The following SPOCK3 variants were observed in gnomAD, a reference collection of about 807,000 sequenced individuals.
SPOCK3 encodes the protein SPARC (osteonectin), cwcv and kazal like domains proteoglycan 3.
Under a neutral mutation model 56.6 loss-of-function variants are expected in SPOCK3, and 30 were observed. The ratio of observed to expected loss-of-function variants is 0.53; its 90% CI spans 0.40 to 0.72. The LOEUF is 0.72. Ranked by LOEUF, SPOCK3 falls within the 30% of genes least tolerant of loss-of-function variation. The pLI is 0.00. For synonymous variants in SPOCK3, 196 were observed against 183.3 expected, an observed-to-expected ratio of 1.07 and a Z score of -0.56; for missense variants, 527 against 530.0, an observed-to-expected ratio of 0.99 and a Z score of 0.06.
intron 5 of SPOCK3, among the ~76,000 whole-genome samples, chr4:166,895,655 G>A (rs963473336): frequency 3.9e-5 from 6 of 152,254 alleles, no homozygotes; most frequent in African/African-American, 9.6e-5. Flanking sequence ...TATATAAAAT[G>A]TGAAGAAATT....
intron 4 of SPOCK3, among the ~76,000 whole-genome samples, chr4:166,983,200 TG>T (rs1322400461): frequency 5.9e-5 from 9 of 152,194 alleles, no homozygotes; most frequent in African/African-American, 2.2e-4. Flanking sequence ...ATTTTAATCT[TG>T]CCAGTTTTTG....
intron 2 of SPOCK3, among the ~76,000 whole-genome samples, chr4:167,215,763 T>C (rs547827803): frequency 1.3e-5 from 2 of 152,220 alleles, no homozygotes; most frequent in East Asian, 3.9e-4. Flanking sequence ...CTGTCTATCA[T>C]CAGGAACATC....
intron 6 of SPOCK3, among the ~76,000 whole-genome samples, chr4:166,839,351 A>G (rs944691395): frequency 6.6e-6 from 1 of 152,090 alleles, no homozygotes; most frequent in East Asian, 1.9e-4. Context: ...TGTTGCTAAA[A>G]TTACCTCCAC....
chr4:167,029,738 G>A (rs1232017318), intron 3 of SPOCK3, among the ~76,000 whole-genome samples: 18 of 151,948 alleles, frequency 1.2e-4, no homozygotes, highest in Non-Finnish European at 2.9e-5. Context: ...CAATAAGGAT[G>A]TAGGTATGAA....
chr4:166,745,441 G>A (rs980948746), intron 8 of SPOCK3, among the ~76,000 whole-genome samples: 3 of 152,142 alleles, frequency 2.0e-5, no homozygotes, highest in Admixed American at 2.0e-4. Context: ...CAAATGCTGA[G>A]GGATTTTCTC....
At chr4:166,930,544 G>C (rs1264736470) in intron 4 of SPOCK3, among the ~76,000 whole-genome samples, 1 of 151,584 alleles carries the variant, frequency 6.6e-6, no homozygotes, top group Admixed American at 6.6e-5. Flanking sequence ...TAATAATTCT[G>C]CTGGCACCAT....
chr4:166,820,750 T>G (rs543641789), intron 6 of SPOCK3, among the ~76,000 whole-genome samples: 8 of 151,934 alleles, frequency 5.3e-5, no homozygotes, highest in African/African-American at 1.9e-4. Flanking sequence ...CTGGAGCCTG[T>G]GAGGTGGAGG....
intron 3 of SPOCK3, among the ~76,000 whole-genome samples, chr4:167,036,793 AT>A (rs200897070): frequency 1.9e-3 from 289 of 150,212 alleles, no homozygotes; most frequent in African/African-American, 4.6e-3. Context: ...TTTATGGTTT[AT>A]TTTTTTTTAA....
chr4:167,183,991 T>G (rs1218017236), intron 2 of SPOCK3, among the ~76,000 whole-genome samples: 1 of 152,210 alleles, frequency 6.6e-6, no homozygotes, highest in Non-Finnish European at 1.5e-5. Flanking sequence ...AAATGGTTCA[T>G]GAGTTACCAA....
intron 2 of SPOCK3, among the ~76,000 whole-genome samples, chr4:167,216,432 T>C (rs1312795539): frequency 2.0e-5 from 3 of 152,072 alleles, no homozygotes; most frequent in Non-Finnish European, 4.4e-5. Context: ...GGGAGAAGCC[T>C]GAAAACATGA....
chr4:166,999,181 G>A (rs1019559931), intron 4 of SPOCK3, among the ~76,000 whole-genome samples: 4 of 151,988 alleles, frequency 2.6e-5, no homozygotes, highest in East Asian at 1.9e-4. Context: ...TCTGTTCCAC[G>A]AGTACATTAT....
rs1469132593 is a variant in SPOCK3 at position 166,733,708 on chromosome 4, G to T, written c.*1213C>A. ...ATTAACATGCTAACTTAAATACAGC[G>T]GTTAAAGTAATTTTTGCTACAGTTA... On this transcript the variant is annotated 3_prime_UTR_variant, in exon 11 of 11. Coordinates refer to ENST00000357545, the MANE Select transcript of SPOCK3 (RefSeq NM_001040159.2). The T allele has an allele frequency of 6.6e-6, 1 of 152,126 alleles. No homozygotes were observed. Among genetic ancestry groups the T allele is most frequent in the Non-Finnish European group, 1.5e-5 (1 of 67,756 alleles). 9.4% of individuals were successfully genotyped at this position (152,126 alleles called of 1,614,324 possible).
chr4:166,867,112 T>G (rs149446499), intron 6 of SPOCK3, among the ~76,000 whole-genome samples: 64 of 152,152 alleles, frequency 4.2e-4, no homozygotes, highest in African/African-American at 1.4e-3. Flanking sequence ...AGACATCTGA[T>G]GAAGGCATCA....
chr4:166,908,951 A>G (rs144765179), intron 5 of SPOCK3, among the ~76,000 whole-genome samples: 1,664 of 152,208 alleles, frequency 0.011, 38 homozygotes, highest in African/African-American at 0.037. Flanking sequence ...GAACAGACTA[A>G]CTATATTTTT....
intron 6 of SPOCK3, among the ~76,000 whole-genome samples, chr4:166,872,045 CACACAAACAT>C (rs1419069908): frequency 5.3e-5 from 4 of 75,690 alleles, no homozygotes; most frequent in Non-Finnish European, 1.0e-4. Flanking sequence ...CACACACAAA[CACACAAACAT>C]ACACACACAC....
intron 2 of SPOCK3, among the ~76,000 whole-genome samples, chr4:167,147,902 T>C (rs1580435790): frequency 6.6e-6 from 1 of 152,156 alleles, no homozygotes. Flanking sequence ...GGCACGTGTA[T>C]ACCTATGAAA....
rs1361034560 is a variant in SPOCK3, at chr4:166,935,465, T to C, written c.351-22722A>G. Reference sequence around the variant, plus strand: ...TACAGCTTTTGCTTTAATAAAGTTCTAGTTTAACAAAGCCAGGAATCTCAT... The same window carrying C: ...TACAGCTTTTGCTTTAATAAAGTTCCAGTTTAACAAAGCCAGGAATCTCAT... On this transcript the variant is annotated intron_variant, in intron 4 of 10. Transcript: ENST00000357545. 2.6e-5 allele frequency among the ~76,000 whole-genome samples: 4 copies of C among 152,202 alleles called. No individual in the cohort carries two copies. In the East Asian group the frequency reaches 5.8e-4, roughly 22 times the overall value.
intron 4 of SPOCK3, among the ~76,000 whole-genome samples, chr4:166,918,105 A>G (rs1038803514): frequency 2.6e-5 from 4 of 152,022 alleles, no homozygotes; most frequent in Admixed American, 6.6e-5. Context: ...TTTCTTCCCT[A>G]TTGGTCATAA....
chr4:166,767,152 T>C (rs963846481), intron 7 of SPOCK3, among the ~76,000 whole-genome samples: 1 of 152,082 alleles, frequency 6.6e-6, no homozygotes, highest in Non-Finnish European at 1.5e-5. Context: ...TCTGGATTCA[T>C]TGATTTTTTG....
Sources: gnomAD v4.1 joint callset for allele counts (sites outside exome capture counted in the v4.1 genomes callset) on GRCh38, gnomAD v4.1.1 for gene constraint, MANE v1.5 for transcripts, NCBI Gene and HGNC (gene_info 2026-07-23, HGNC 2026-07-21) for gene names.